DZANK1: variants seen among roughly 807,000 people sequenced by gnomAD.
DZANK1 encodes double zinc ribbon and ankyrin repeat domains 1, also known as double zinc ribbon and ankyrin repeat-containing protein 1.
In DZANK1, 91 loss-of-function variants were observed where a neutral mutation model predicts 94.5. The ratio of observed to expected loss-of-function variants is 0.96; its 90% CI spans 0.81 to 1.15. The LOEUF (loss-of-function observed/expected upper bound fraction) is 1.15. Ranked by LOEUF, DZANK1 falls within the 50% of genes most tolerant of loss-of-function variation. The pLI is 0.00. For synonymous variants in DZANK1, 312 were observed against 325.3 expected (o/e 0.96, Z 0.44); for missense variants, 903 against 916.4 (o/e 0.99, Z 0.19).
intron 1 of DZANK1, among the ~76,000 whole-genome samples, chr20:18,466,528 T>A (rs528774130): frequency 2.0e-5 from 3 of 151,968 alleles, no homozygotes; most frequent in Non-Finnish European, 1.5e-5. Flanking sequence ...CCTACGGGAG[T>A]GTGGCTGGAC....
chr20:18,417,108 A>C (rs959711986), intron 10 of DZANK1, among the ~76,000 whole-genome samples: 9 of 152,120 alleles, frequency 5.9e-5, no homozygotes, highest in Non-Finnish European at 1.2e-4. Flanking sequence ...GAAAAGACAT[A>C]AAGCTATCAG....
chr20:18,406,401 C>G (rs189306398), intron 13 of DZANK1, among the ~76,000 whole-genome samples: 2 of 152,200 alleles, frequency 1.3e-5, no homozygotes, highest in African/African-American at 4.8e-5. Flanking sequence ...GTAAGGCCCC[C>G]CTTCTAGGCC....
Position 18,460,172 on chromosome 20 carries a change from T to G in DZANK1, c.244A>C (p.Lys82Gln), listed in dbSNP as rs2059426391. 5.1e-6 allele frequency: 8 copies of G among 1,556,324 alleles called. No homozygotes were observed. The East Asian group carries it at 1.8e-4, about 35-fold the overall frequency. The change falls in exon 3 of 21, where the codon AAA becomes CAA. Residue 82 changes from lysine (K) to glutamine (Q), a missense_variant. By Grantham distance (53) the Lys-to-Gln change is moderately conservative (BLOSUM62 1). Coordinates refer to ENST00000262547, the Ensembl canonical transcript of DZANK1. ...ACTTACTTAGAGACAGCAATAGCTT[T>G]AACTTGTATTTTTCCATCAGGCAGA...
intron 8 of DZANK1, among the ~76,000 whole-genome samples, chr20:18,442,464 CT>C (rs1168246238): frequency 1.3e-5 from 2 of 152,176 alleles, no homozygotes; most frequent in Non-Finnish European, 2.9e-5. Flanking sequence ...GACTCCCACC[CT>C]TATTCCCTAA....
rs1385938319 is a variant in DZANK1, at chr20:18,443,471, C to T, written c.630-7G>A. On this transcript the variant is annotated splice_polypyrimidine_tract_variant and splice_region_variant and intron_variant, in intron 7 of 20. Coordinates refer to ENST00000262547, the Ensembl canonical transcript of DZANK1. ...GGCAAGGCAGTGGGCACACCTACAA[C>T]AAAACAGGTTCCCGATTGGCCATGT... is the stretch of plus-strand genomic sequence containing the variant. The T allele has an allele frequency of 7.0e-7, 1 of 1,420,250 alleles. No homozygotes were observed. Among genetic ancestry groups the T allele is most frequent in the Non-Finnish European group, 9.3e-7 (1 of 1,079,036 alleles). The allele number at this position is 1,420,250 out of a possible 1,614,324, so 88.0% of individuals were successfully genotyped here.
At chr20:18,417,657 C>A (rs546148700) in intron 10 of DZANK1, among the ~76,000 whole-genome samples, 2 of 152,180 alleles carry the variant, frequency 1.3e-5, no homozygotes, top group South Asian at 4.1e-4. Context: ...TGTTTTTAGT[C>A]TCAGTTCTGA....
At chr20:18,389,908 C>A in intron 18 of DZANK1, 80 bp from the exon 19 acceptor site, 1 of 1,579,686 alleles carries the variant, frequency 6.3e-7, no homozygotes, top group Non-Finnish European at 8.6e-7. Context: ...TGAAGTATAA[C>A]AGATGTCCTT....
chr20:18,448,015 A>AATTT (rs1032830993), intron 7 of DZANK1, among the ~76,000 whole-genome samples: 1 of 152,198 alleles, frequency 6.6e-6, no homozygotes, highest in African/African-American at 2.4e-5. Flanking sequence ...AATTTTTATC[A>AATTT]ATTTATTTAT....
At position 18,427,107 on chromosome 20, in the gene DZANK1, T is replaced by C. The variant is rs747627649; in HGVS notation, c.914A>G (p.Tyr305Cys). ...CAGGGCCCCCTCACAGGTGACACAGTATCTCAGGTGAGCAGGATTTCCTGT... is the reference window on the plus strand; with the variant it reads ...CAGGGCCCCCTCACAGGTGACACAGCATCTCAGGTGAGCAGGATTTCCTGT... The change falls in exon 10 of 21, where the codon TAC (tyrosine) becomes TGC (cysteine). Residue 305 changes from tyrosine to cysteine, a missense_variant. Transcript: ENST00000262547. 3.0e-5 allele frequency: 48 copies of C among 1,612,944 alleles called. No individual in the cohort carries two copies. Among genetic ancestry groups the C allele is most frequent in the Non-Finnish European group, 4.0e-5 (47 of 1,179,318 alleles).
intron 10 of DZANK1, among the ~76,000 whole-genome samples, chr20:18,416,045 G>A (rs2057473906): frequency 6.6e-6 from 1 of 152,186 alleles, no homozygotes; most frequent in African/African-American, 2.4e-5. Flanking sequence ...CACAGTGGCT[G>A]CTACCTGACC....
intron 20 of DZANK1, 74 bp from the exon 21 acceptor site, chr20:18,384,638 T>C (rs1334110878): frequency 6.9e-7 from 1 of 1,454,962 alleles, no homozygotes; most frequent in Non-Finnish European, 9.1e-7. Context: ...GACTCTACCC[T>C]GCCATGGAGG....
intron 10 of DZANK1, among the ~76,000 whole-genome samples, chr20:18,424,759 T>C (rs1210139871): frequency 6.6e-6 from 1 of 152,168 alleles, no homozygotes; most frequent in Non-Finnish European, 1.5e-5. Context: ...GAGATTTGCA[T>C]GTAATGCAGC....
chr20:18,438,981 C>T (rs6081142), intron 8 of DZANK1, among the ~76,000 whole-genome samples: 101,976 of 152,034 alleles, frequency 0.67, 35,557 homozygotes, highest in Non-Finnish European at 0.78. Flanking sequence ...TTTCAACATA[C>T]GAATTTTGGC....
Position 18,453,827 on chromosome 20 carries a change from C to A in DZANK1, c.379G>T (p.Glu127Ter). The change falls in exon 5 of 21, where the codon GAA becomes TAA. Residue 127 changes from glutamate (E) to a stop codon, truncating the protein, a stop_gained and splice_region_variant. Coordinates refer to ENST00000262547, the Ensembl canonical transcript of DZANK1. LOFTEE classifies it high-confidence loss of function. Reference sequence around the variant, plus strand: ...GATCCAACAAATCCATTTTTGAATTCCTAGGAATGAAGAGATTGCATATCA... The same window carrying A: ...GATCCAACAAATCCATTTTTGAATTACTAGGAATGAAGAGATTGCATATCA... The A allele has an allele frequency of 6.4e-7, 1 of 1,562,430 alleles. No individual in the cohort carries two copies. Among genetic ancestry groups the A allele is most frequent in the Non-Finnish European group, 8.8e-7 (1 of 1,133,296 alleles).
chr20:18,433,573 C>T, intron 9 of DZANK1, 79 bp downstream of exon 9: 2 of 1,343,460 alleles, frequency 1.5e-6, no homozygotes, highest in Non-Finnish European at 2.1e-6. Context: ...CCCCATCCCA[C>T]TAGCTGAAAA....
At chr20:18,454,025 A>T in intron 4 of DZANK1, 198 bp from the exon 5 acceptor site, 2 of 680,372 alleles carry the variant, frequency 2.9e-6, no homozygotes, top group South Asian at 2.8e-5. Context: ...CTGGCAGCAC[A>T]TCTGGATGTA....
intron 13 of DZANK1, among the ~76,000 whole-genome samples, chr20:18,399,354 C>T (rs1255260851): frequency 6.6e-6 from 1 of 151,972 alleles, no homozygotes; most frequent in African/African-American, 2.4e-5. Context: ...CTCAGCCACC[C>T]ACGTAGCTGG....
intron 8 of DZANK1, among the ~76,000 whole-genome samples, chr20:18,438,936 C>T (rs1227525714): frequency 6.6e-6 from 1 of 152,160 alleles, no homozygotes; most frequent in East Asian, 1.9e-4. Flanking sequence ...TCCCAAAGAC[C>T]CAACCTTCTA....
intron 13 of DZANK1, among the ~76,000 whole-genome samples, chr20:18,410,881 G>A (rs1026836500): frequency 3.3e-5 from 5 of 152,190 alleles, no homozygotes; most frequent in Non-Finnish European, 7.4e-5. Context: ...AACCCAGGAG[G>A]TCAAGGCTGC....
Sources: allele counts gnomAD v4.1 joint callset (sites outside exome capture counted in the v4.1 genomes callset), GRCh38; gene constraint gnomAD v4.1.1; transcripts MANE v1.5; gene names NCBI Gene and HGNC (gene_info 2026-07-23, HGNC 2026-07-21).